B4GALNT2: variants seen among roughly 807,000 people sequenced by gnomAD.
B4GALNT2 encodes N-acetylneuraminylgalactosylglucosyl-glucoside beta-1,4-N- acetylgalactosaminyltransferase 2.
B4GALNT2 carries 42 observed loss-of-function variants against 51.1 expected under a neutral mutation model. The ratio of observed to expected loss-of-function variants is 0.82; its 90% confidence interval spans 0.64 to 1.06. The LOEUF (loss-of-function observed/expected upper bound fraction) is 1.06. B4GALNT2 is among the 50% of genes least tolerant of loss of function. The pLI, the probability that B4GALNT2 is intolerant of heterozygous loss-of-function variation, is 0.00. For synonymous variants in B4GALNT2, 253 were observed against 251.7 expected (o/e 1.01, Z -0.05); for missense variants, 602 against 633.6 (o/e 0.95, Z 0.54).
chr17:49,121,150 A>T, the B4GALNT2 span, among the ~76,000 whole-genome samples: 1 of 152,162 alleles, frequency 6.6e-6, no homozygotes, highest in African/African-American at 2.4e-5. Context: ...CACTCCCAGC[A>T]CTCATGGGAA....
chr17:49,141,512 C>T lies in B4GALNT2; in HGVS notation c.215+65C>T. The T allele has an allele frequency of 3.3e-6, 5 of 1,513,056 alleles. No individual in the cohort carries two copies. The South Asian group carries it at 5.7e-5, about 17-fold the overall frequency. 93.7% of individuals were successfully genotyped at this position (1,513,056 alleles called of 1,614,324 possible). On this transcript the variant is annotated intron_variant, in intron 2 of 10. Coordinates refer to ENST00000393354, the MANE Select transcript of B4GALNT2 (RefSeq NM_001159387.2). ...CATCTTCCTTGCTCCTCCTCAAGTACCATGCCCTACTGTGCCCATTGTACA... is the reference window on the plus strand; with the variant it reads ...CATCTTCCTTGCTCCTCCTCAAGTATCATGCCCTACTGTGCCCATTGTACA...
intron 7 of B4GALNT2, among the ~76,000 whole-genome samples, chr17:49,163,118 A>T (rs1020549295): frequency 1.3e-5 from 2 of 151,986 alleles, no homozygotes; most frequent in African/African-American, 4.8e-5. Flanking sequence ...GCACAGTCAG[A>T]TGCCAGTTCT....
chr17:49,142,228 T>C, intron 3 of B4GALNT2, 56 bp downstream of exon 3: 3 of 1,597,978 alleles, frequency 1.9e-6, no homozygotes, highest in Non-Finnish European at 2.6e-6. Context: ...GCCCTCCCTA[T>C]GTCCTGAGGT....
At position 49,142,177 on chromosome 17, in the gene B4GALNT2, T is replaced by G; in HGVS notation, c.353+5T>G. The G allele has an allele frequency of 6.2e-7, 1 of 1,613,902 alleles. No homozygotes were observed. Among genetic ancestry groups the G allele is most frequent in the Non-Finnish European group, 8.5e-7 (1 of 1,179,990 alleles). ...ATTTGAACACTTTCAGAGGAGGTAA[T>G]GCGGGTCATGAAGGCCCTTGGGTTC... On this transcript the variant is annotated splice_donor_5th_base_variant and intron_variant, in intron 3 of 10. Coordinates refer to ENST00000393354, the MANE Select transcript of B4GALNT2 (RefSeq NM_001159387.2).
chr17:49,125,587 A>T, the B4GALNT2 span, among the ~76,000 whole-genome samples: 1 of 151,254 alleles, frequency 6.6e-6, no homozygotes, highest in East Asian at 2.0e-4. Flanking sequence ...GGTGAGGAGC[A>T]TCTCTGCCCG....
chr17:49,141,427 C>G lies in B4GALNT2; in HGVS notation c.195C>G (p.Leu65=). 6.2e-7 allele frequency: 1 copy of G among 1,614,154 alleles called. No homozygotes were observed. The highest frequency in any genetic ancestry group is 8.5e-7 in the Non-Finnish European group (1 of 1,180,022). ...KLLPEERLRN[L]FSYDGIWLFP... ...TGCCTGAGGAACGTCTCAGGAACCTCTTTTCCTACGATGGAATCTGGTGAG... is the reference window on the plus strand; with the variant it reads ...TGCCTGAGGAACGTCTCAGGAACCTGTTTTCCTACGATGGAATCTGGTGAG... The change falls in exon 2 of 11, where the codon CTC becomes CTG. Residue 65 remains leucine, a synonymous_variant. Transcript: ENST00000393354.
Position 49,141,405 on chromosome 17 carries a change from C to T in B4GALNT2, c.173C>T (p.Pro58Leu), listed in dbSNP as rs1238229203. Residue 58 changes from proline to leucine, a missense_variant, in exon 2 of 11, where the codon CCT becomes CTT. By Grantham distance (98) the Pro-to-Leu change is moderately conservative. Coordinates refer to ENST00000393354, the MANE Select transcript of B4GALNT2 (RefSeq NM_001159387.2). Reference protein sequence around the residue: ...APGVQKLKLLPEERLRNLFSY... With the variant: ...APGVQKLKLLLEERLRNLFSY... ...GGTGTCCAGAAGCTGAAGCTTCTGC[C>T]TGAGGAACGTCTCAGGAACCTCTTT... The T allele has an allele frequency of 1.2e-6, 2 of 1,614,142 alleles. No homozygotes were observed. The highest frequency in any genetic ancestry group is 1.7e-6 in the Non-Finnish European group (2 of 1,180,016).
chr17:49,164,321 G>A (rs960467331), intron 8 of B4GALNT2, 46 bp downstream of exon 8: 6 of 1,548,322 alleles, frequency 3.9e-6, no homozygotes, highest in Admixed American at 3.4e-5. Flanking sequence ...CAGGACAAGA[G>A]GGCCCCAGGG....
At chr17:49,156,087 T>C (rs1382990062) in intron 4 of B4GALNT2, among the ~76,000 whole-genome samples, 1 of 152,186 alleles carries the variant, frequency 6.6e-6, no homozygotes, top group Non-Finnish European at 1.5e-5. Flanking sequence ...TATATTCATG[T>C]TGTTGTGCAA....
intron 1 of B4GALNT2, among the ~76,000 whole-genome samples, chr17:49,136,205 AAAG>A (rs2042588764): frequency 6.6e-6 from 1 of 152,068 alleles, no homozygotes; most frequent in Non-Finnish European, 1.5e-5. Context: ...TCAAGAATAA[AAAG>A]AAGGTATCTC....
At chr17:49,139,297 G>A (rs1447183848) in intron 1 of B4GALNT2, among the ~76,000 whole-genome samples, 1 of 151,762 alleles carries the variant, frequency 6.6e-6, no homozygotes, top group African/African-American at 2.4e-5. Flanking sequence ...GGAGTGCAGT[G>A]GTGCAGTTTT....
Position 49,168,912 on chromosome 17 carries a change from G to C in B4GALNT2, c.1315+12G>C. Reference sequence around the variant, plus strand: ...AGTGGCTCACTCAGGTGGGAAGGCTGAAAGAGTGAGGGAGGGAGCTGGGCT... The same window carrying C: ...AGTGGCTCACTCAGGTGGGAAGGCTCAAAGAGTGAGGGAGGGAGCTGGGCT... On this transcript the variant is annotated intron_variant, in intron 10 of 10. Transcript: ENST00000393354. 6.2e-7 allele frequency: 1 copy of C among 1,608,916 alleles called. No individual in the cohort carries two copies. Among genetic ancestry groups the C allele is most frequent in the South Asian group, 1.1e-5 (1 of 90,516 alleles).
intron 3 of B4GALNT2, among the ~76,000 whole-genome samples, chr17:49,145,956 T>C (rs2042691161): frequency 1.3e-5 from 2 of 152,170 alleles, no homozygotes; most frequent in African/African-American, 2.4e-5. Context: ...TTCCTCCCTC[T>C]GGAACTAAGA....
At chr17:49,128,352 C>A (rs953177685), upstream of B4GALNT2, among the ~76,000 whole-genome samples, 1 of 151,954 alleles carries the variant, frequency 6.6e-6, no homozygotes, top group Non-Finnish European at 1.5e-5. Flanking sequence ...TGAAGGCTTG[C>A]GGGCAGGAGG....
At chr17:49,164,669 T>G (rs1380956374) in intron 8 of B4GALNT2, among the ~76,000 whole-genome samples, 3 of 151,760 alleles carry the variant, frequency 2.0e-5, no homozygotes, top group Non-Finnish European at 4.4e-5. Flanking sequence ...ACCCGGCTAT[T>G]TTTTGTATTT....
intron 8 of B4GALNT2, 93 bp from the exon 9 acceptor site, chr17:49,166,021 A>T: frequency 7.1e-7 from 1 of 1,411,774 alleles, no homozygotes; most frequent in South Asian, 1.3e-5. Flanking sequence ...TCTGGAGTGC[A>T]TGCAGCCTGG....
At chr17:49,148,619 G>A in intron 3 of B4GALNT2, 1 of 525,472 alleles carries the variant, frequency 1.9e-6, no homozygotes, top group South Asian at 1.9e-5. Context: ...AATGTCTCCA[G>A]GCAAACCGTT....
chr17:49,145,010 T>C (rs2042679724), intron 3 of B4GALNT2, among the ~76,000 whole-genome samples: 1 of 152,132 alleles, frequency 6.6e-6, no homozygotes, highest in African/African-American at 2.4e-5. Context: ...TTATATTCGA[T>C]GGCGTCTGAT....
At chr17:49,155,320 A>G (rs2042798764) in intron 4 of B4GALNT2, among the ~76,000 whole-genome samples, 2 of 134,554 alleles carry the variant, frequency 1.5e-5, no homozygotes, top group African/African-American at 2.8e-5. Flanking sequence ...AAAAAAAAAA[A>G]GGACTGGTGC....
Sources: gnomAD v4.1 joint callset for allele counts (sites outside exome capture counted in the v4.1 genomes callset) on GRCh38, gnomAD v4.1.1 for gene constraint, MANE v1.5 for transcripts, NCBI Gene and HGNC (gene_info 2026-07-23, HGNC 2026-07-21) for gene names.